The following DCUN1D4 variants were observed in gnomAD, a reference collection of about 807,000 sequenced individuals.
The protein encoded by DCUN1D4 is DCN1-like protein 4.
DCUN1D4 carries 22 observed loss-of-function variants against 47.9 expected under a neutral mutation model. The ratio of observed to expected loss-of-function variants is 0.46; its 90% CI spans 0.33 to 0.66. The LOEUF (loss-of-function observed/expected upper bound fraction) is 0.66. Ranked by LOEUF, DCUN1D4 falls within the 30% of genes least tolerant of loss-of-function variation. DCUN1D4 has a pLI of 0.02. For synonymous variants in DCUN1D4, 121 were observed against 112.2 expected, an observed-to-expected ratio of 1.08 and a Z score of -0.50; for missense variants, 301 against 340.8, an observed-to-expected ratio of 0.88 and a Z score of 0.92.
At chr4:51,845,740 A>T (rs1223912433) in intron 1 of DCUN1D4, among the ~76,000 whole-genome samples, 3 of 152,240 alleles carry the variant, frequency 2.0e-5, no homozygotes, top group Non-Finnish European at 4.4e-5. Flanking sequence ...GATGATAAAA[A>T]TATTACCAAG....
intron 3 of DCUN1D4, among the ~76,000 whole-genome samples, chr4:51,866,374 TATG>T (rs1429009630): frequency 2.0e-5 from 3 of 149,362 alleles, no homozygotes; most frequent in Non-Finnish European, 3.0e-5. Flanking sequence ...TTAACCAAAT[TATG>T]GTGATGATGA....
intron 1 of DCUN1D4, among the ~76,000 whole-genome samples, chr4:51,854,264 C>CT (rs1723798321): frequency 6.6e-6 from 1 of 152,102 alleles, no homozygotes; most frequent in South Asian, 2.1e-4. Flanking sequence ...TAAAACACTA[C>CT]TTTTTTATGG....
intron 6 of DCUN1D4, among the ~76,000 whole-genome samples, chr4:51,891,260 G>A (rs1730384807): frequency 6.6e-6 from 1 of 152,178 alleles, no homozygotes; most frequent in East Asian, 1.9e-4. Context: ...TCATCTTAGT[G>A]GTGTCATAGT....
chr4:51,848,098 C>A (rs1420409624), intron 1 of DCUN1D4: 1 of 795,318 alleles, frequency 1.3e-6, no homozygotes, highest in African/African-American at 1.8e-5. Context: ...CTTTCATTAT[C>A]TTTAGATTTT....
At chr4:51,848,488 T>C in intron 1 of DCUN1D4, 1 of 753,234 alleles carries the variant, frequency 1.3e-6, no homozygotes, top group African/African-American at 1.9e-5. Context: ...TGAAAGTCTT[T>C]CTTCAGATTT....
chr4:51,861,900 G>A (rs997174682), intron 1 of DCUN1D4, among the ~76,000 whole-genome samples: 1 of 151,082 alleles, frequency 6.6e-6, no homozygotes, highest in African/African-American at 2.4e-5. Context: ...GAGGGCTGTA[G>A]CTTCTAGCTT....
rs73246082 is a variant in DCUN1D4 at position 51,844,969 on chromosome 4, C to T, written c.25+1702C>T. The T allele has an allele frequency of 6.1e-3, 5,991 of 985,432 alleles. 27 individuals are homozygous for T. The highest frequency in any genetic ancestry group is 0.015 in the Middle Eastern group (29 of 1,914). The allele number at this position is 985,432 out of a possible 1,614,324, so 61.0% of individuals were successfully genotyped here. On this transcript the variant is annotated intron_variant, in intron 1 of 10. Coordinates refer to ENST00000334635, the MANE Select transcript of DCUN1D4 (RefSeq NM_001040402.3). ...CCCAGGGACGGAGCGACTCCCCAGCCCTTCTCCCTTGGGAGAGGGAGAGCC... is the reference window on the plus strand; with the variant it reads ...CCCAGGGACGGAGCGACTCCCCAGCTCTTCTCCCTTGGGAGAGGGAGAGCC...
intron 7 of DCUN1D4, among the ~76,000 whole-genome samples, chr4:51,898,981 C>G (rs1253202349): frequency 6.6e-6 from 1 of 152,092 alleles, no homozygotes; most frequent in Non-Finnish European, 1.5e-5. Flanking sequence ...ATTATGTTTG[C>G]AACTTTTAAA....
chr4:51,845,970 T>C (rs538283574), intron 1 of DCUN1D4, among the ~76,000 whole-genome samples: 1 of 152,320 alleles, frequency 6.6e-6, no homozygotes, highest in Admixed American at 6.5e-5. Flanking sequence ...AAATGTGCAC[T>C]TAACTCTGGA....
chr4:51,860,281 G>C, intron 1 of DCUN1D4, among the ~76,000 whole-genome samples: 1 of 151,972 alleles, frequency 6.6e-6, no homozygotes, highest in East Asian at 1.9e-4. Context: ...ATGGATAATT[G>C]GTGACATATA....
In DCUN1D4 at chr4:51,863,641, C is replaced by T. The variant is rs773779189; in HGVS notation, c.97-29C>T. ...TGAAAATGCTAACGGTATGTGATTT[C>T]TTCGTAATAACGAACATATTTCTTT... On this transcript the variant is annotated intron_variant, in intron 2 of 10. Transcript: ENST00000334635. The T allele has an allele frequency of 6.2e-6, 10 of 1,610,192 alleles. No homozygotes were observed. The South Asian group carries it at 7.8e-5, about 13-fold the overall frequency.
intron 4 of DCUN1D4, among the ~76,000 whole-genome samples, chr4:51,875,692 C>T (rs1027247490): frequency 1.3e-5 from 2 of 152,158 alleles, no homozygotes; most frequent in Non-Finnish European, 2.9e-5. Flanking sequence ...TACTTTGTCT[C>T]GACAGATTTC....
intron 5 of DCUN1D4, among the ~76,000 whole-genome samples, chr4:51,882,811 C>CT (rs1302394770): frequency 6.6e-6 from 1 of 151,868 alleles, no homozygotes; most frequent in Non-Finnish European, 1.5e-5. Context: ...ACAGAAAGAG[C>CT]TTTTTTAAAT....
intron 3 of DCUN1D4, chr4:51,864,999 A>G (rs1436336362): frequency 5.7e-6 from 1 of 175,476 alleles, no homozygotes; most frequent in Non-Finnish European, 1.3e-5. Flanking sequence ...CAAAGCAAAA[A>G]CTCTTTAAGA....
At chr4:51,876,755 T>C (rs1727764548) in intron 4 of DCUN1D4, among the ~76,000 whole-genome samples, 1 of 152,046 alleles carries the variant, frequency 6.6e-6, no homozygotes, top group African/African-American at 2.4e-5. Context: ...CTGGGGGACT[T>C]GAGTATGTGT....
At chr4:51,847,749 C>T (rs1036900830) in intron 1 of DCUN1D4, among the ~76,000 whole-genome samples, 7 of 152,064 alleles carry the variant, frequency 4.6e-5, no homozygotes, top group African/African-American at 1.5e-4. Flanking sequence ...CCACTGCACC[C>T]GGCTCCAGCT....
intron 3 of DCUN1D4, among the ~76,000 whole-genome samples, chr4:51,868,747 C>T (rs908775647): frequency 3.3e-5 from 5 of 152,218 alleles, no homozygotes; most frequent in Non-Finnish European, 7.4e-5. Context: ...TCACAATCTT[C>T]CTCCTACCAA....
chr4:51,840,380 C>T (rs550078017), upstream of DCUN1D4, among the ~76,000 whole-genome samples: 1 of 152,288 alleles, frequency 6.6e-6, no homozygotes, highest in South Asian at 2.1e-4. Flanking sequence ...TAGTAACTTT[C>T]AGATGGGAAG....
upstream of DCUN1D4, chr4:51,843,145 G>A (rs1461354652): frequency 2.7e-6 from 4 of 1,507,244 alleles, no homozygotes; most frequent in African/African-American, 2.8e-5. Flanking sequence ...GCCCGGCGGC[G>A]GGTCCTCAGC....
Sources: gnomAD v4.1 joint callset for allele counts (sites outside exome capture counted in the v4.1 genomes callset) on GRCh38, gnomAD v4.1.1 for gene constraint, MANE v1.5 for transcripts, NCBI Gene and HGNC (gene_info 2026-07-23, HGNC 2026-07-21) for gene names.